GLIS3: variants seen among roughly 807,000 people sequenced by gnomAD.
GLIS3 encodes zinc finger protein GLIS3.
GLIS3 carries 53 observed loss-of-function variants against 78.6 expected under a neutral mutation model. That is an observed-to-expected ratio of 0.67 (90% confidence interval 0.54 to 0.85). GLIS3 has a LOEUF of 0.85. Among genes scored for constraint, GLIS3 ranks in the 40% least tolerant of loss-of-function variants. GLIS3 has a pLI of 0.00. For synonymous variants in GLIS3, 684 were observed against 509.9 expected (o/e 1.34, Z -4.60); for missense variants, 1,703 against 1,231.1 (o/e 1.38, Z -5.74).
chr9:4,210,151 T>A (rs749656528), intron 2 of GLIS3, among the ~76,000 whole-genome samples: 1 of 152,236 alleles, frequency 6.6e-6, no homozygotes, highest in Non-Finnish European at 1.5e-5. Context: ...CTTAGTTAAT[T>A]CAAGCCTTAA....
At chr9:4,331,330 A>G (rs1328500819) in intron 2 of GLIS3, among the ~76,000 whole-genome samples, 2 of 152,006 alleles carry the variant, frequency 1.3e-5, no homozygotes, top group Non-Finnish European at 2.9e-5. Context: ...GACATCAATC[A>G]TTGGTTTTAG....
At chr9:4,003,818 G>A (rs184384738) in intron 4 of GLIS3, among the ~76,000 whole-genome samples, 2 of 152,312 alleles carry the variant, frequency 1.3e-5, no homozygotes, top group Admixed American at 1.3e-4. Context: ...GCTTACTCTT[G>A]CAACTTTCTA....
chr9:4,397,019 T>C, the GLIS3 span, among the ~76,000 whole-genome samples: 5 of 137,458 alleles, frequency 3.6e-5, no homozygotes, highest in African/African-American at 1.5e-4. Context: ...CTTTTTTCTT[T>C]TTTTCTTTTT....
chr9:3,943,390 C>T (rs1816077159), intron 4 of GLIS3, among the ~76,000 whole-genome samples: 1 of 152,218 alleles, frequency 6.6e-6, no homozygotes, highest in Non-Finnish European at 1.5e-5. Flanking sequence ...TCTATATATT[C>T]TTGCTTTGCA....
chr9:3,873,638 T>A (rs1042655179), intron 8 of GLIS3, among the ~76,000 whole-genome samples: 2 of 152,012 alleles, frequency 1.3e-5, no homozygotes, highest in Non-Finnish European at 2.9e-5. Context: ...ATATGCCCCA[T>A]AAATTTGCAC....
the GLIS3 span, among the ~76,000 whole-genome samples, chr9:4,409,405 T>A: frequency 6.6e-6 from 1 of 152,184 alleles, no homozygotes; most frequent in Non-Finnish European, 1.5e-5. Flanking sequence ...TACTATAATA[T>A]ACTTAGATAT....
chr9:4,247,115 G>A (rs1295769250), intron 2 of GLIS3, among the ~76,000 whole-genome samples: 1 of 152,144 alleles, frequency 6.6e-6, no homozygotes, highest in African/African-American at 2.4e-5. Context: ...TGAGTTCGGT[G>A]CACACCAAAA....
At chr9:4,333,645 C>T (rs1817715238) in intron 2 of GLIS3, among the ~76,000 whole-genome samples, 1 of 152,042 alleles carries the variant, frequency 6.6e-6, no homozygotes, top group Non-Finnish European at 1.5e-5. Context: ...ACATACTTGG[C>T]TATGAGACCC....
intron 6 of GLIS3, among the ~76,000 whole-genome samples, chr9:3,910,904 G>A (rs945194016): frequency 2.6e-5 from 4 of 152,076 alleles, no homozygotes; most frequent in Non-Finnish European, 4.4e-5. Flanking sequence ...ATTCCATTCA[G>A]CACCTTAATT....
chr9:4,129,861 A>G (rs34214897), intron 2 of GLIS3, among the ~76,000 whole-genome samples: 33,025 of 152,162 alleles, frequency 0.22, 3,893 homozygotes, highest in Middle Eastern at 0.35. Flanking sequence ...AGACAGGAAG[A>G]TGTGGAAAAT....
chr9:4,358,307 G>C, the GLIS3 span, among the ~76,000 whole-genome samples: 2 of 145,040 alleles, frequency 1.4e-5, no homozygotes, highest in African/African-American at 2.5e-5. Context: ...CCATGGCCTA[G>C]TATCACTTTT....
chr9:4,467,285 G>A, the GLIS3 span, among the ~76,000 whole-genome samples: 2 of 152,148 alleles, frequency 1.3e-5, no homozygotes, highest in Admixed American at 6.5e-5. Flanking sequence ...AGAGAGTGGT[G>A]GTTCTCCCAG....
chr9:4,322,578 G>T (rs987115816), intron 2 of GLIS3, among the ~76,000 whole-genome samples: 7 of 152,088 alleles, frequency 4.6e-5, no homozygotes, highest in African/African-American at 1.7e-4. Context: ...ATCTGTTGTT[G>T]CCTGACTTTT....
the GLIS3 span, among the ~76,000 whole-genome samples, chr9:4,396,623 G>C: frequency 6.6e-6 from 1 of 152,182 alleles, no homozygotes; most frequent in Non-Finnish European, 1.5e-5. Flanking sequence ...TAATCTTGAA[G>C]TCAGTGATTC....
the GLIS3 span, among the ~76,000 whole-genome samples, chr9:4,441,919 G>C: frequency 6.6e-6 from 1 of 152,006 alleles, no homozygotes; most frequent in African/African-American, 2.4e-5. Context: ...ATCTTTTTTT[G>C]TTGTTGTCTT....
intron 2 of GLIS3, among the ~76,000 whole-genome samples, chr9:4,259,330 G>C (rs924778142): frequency 3.9e-5 from 6 of 151,902 alleles, no homozygotes; most frequent in Non-Finnish European, 7.4e-5. Flanking sequence ...TCCACTACTA[G>C]CAGTCAGATC....
chr9:4,466,344 T>A, the GLIS3 span, among the ~76,000 whole-genome samples: 1 of 152,198 alleles, frequency 6.6e-6, no homozygotes, highest in African/African-American at 2.4e-5. Flanking sequence ...CAGGCCCAGA[T>A]GGCTTCACTG....
chr9:3,857,557 G>C (rs1233645900), intron 8 of GLIS3, among the ~76,000 whole-genome samples: 3 of 152,162 alleles, frequency 2.0e-5, no homozygotes, highest in Non-Finnish European at 4.4e-5. Context: ...GTGAATGTAA[G>C]AACCAAGAAA....
intron 2 of GLIS3, among the ~76,000 whole-genome samples, chr9:4,191,757 G>T (rs1000542825): frequency 3.9e-5 from 6 of 152,290 alleles, no homozygotes; most frequent in Admixed American, 3.3e-4. Flanking sequence ...GAGGAACGTG[G>T]TTTAATCATT....
Sources: gnomAD v4.1 joint callset for allele counts (sites outside exome capture counted in the v4.1 genomes callset) on GRCh38, gnomAD v4.1.1 for gene constraint, MANE v1.5 for transcripts, NCBI Gene and HGNC (gene_info 2026-07-23, HGNC 2026-07-21) for gene names.